The following SLC30A10 variants were observed in gnomAD, a reference collection of about 807,000 sequenced individuals.
The protein encoded by SLC30A10 is calcium/manganese antiporter SLC30A10.
In SLC30A10, 8 loss-of-function variants were observed where a neutral mutation model predicts 21.7. The observed-to-expected ratio is 0.37, with a 90% CI of 0.22 to 0.67. SLC30A10 has a LOEUF of 0.67. Among genes scored for constraint, SLC30A10 ranks in the 30% least tolerant of loss-of-function variants. The pLI is 0.58. For missense variants in SLC30A10, 521 were observed against 642.5 expected (o/e 0.81, Z 2.04); for synonymous variants, 272 against 279.4 (o/e 0.97, Z 0.26).
chr1:219,956,415 G>A (rs561503230), intron 1 of SLC30A10, among the ~76,000 whole-genome samples: 71 of 151,976 alleles, frequency 4.7e-4, no homozygotes, highest in African/African-American at 1.5e-3. Context: ...ATCTTAAAGC[G>A]TGAGTCACAC....
At chr1:219,939,947 G>A (rs944844293) in intron 1 of SLC30A10, among the ~76,000 whole-genome samples, 2 of 152,096 alleles carry the variant, frequency 1.3e-5, no homozygotes, top group African/African-American at 2.4e-5. Flanking sequence ...ATAGCCAAGG[G>A]GCAAACCGGG....
intron 1 of SLC30A10, among the ~76,000 whole-genome samples, chr1:219,946,498 C>T (rs1660187664): frequency 6.6e-6 from 1 of 152,130 alleles, no homozygotes; most frequent in African/African-American, 2.4e-5. Context: ...GACTGCCATT[C>T]CTCTTGTCTT....
upstream of SLC30A10, among the ~76,000 whole-genome samples, chr1:219,930,707 T>C (rs541358764): frequency 1.3e-4 from 20 of 152,296 alleles, no homozygotes; most frequent in Admixed American, 3.3e-4. Context: ...AAATTGATCA[T>C]TGGAAGTATT....
chr1:219,957,910 A>T (rs1027150561), intron 1 of SLC30A10, among the ~76,000 whole-genome samples: 4 of 152,178 alleles, frequency 2.6e-5, no homozygotes, highest in African/African-American at 9.7e-5. Flanking sequence ...CTCACACTTA[A>T]GTCTCTCCTA....
Position 219,911,663 on chromosome 1 carries a change from C to G in SLC30A10, c.*3786G>C, listed in dbSNP as rs1361105977. Among the ~76,000 whole-genome samples the G allele has an allele frequency of 1.3e-5, 2 of 152,092 alleles. No individual in the cohort carries two copies. Among genetic ancestry groups the G allele is most frequent in the African/African-American group, 4.8e-5 (2 of 41,406 alleles). The stretch of plus-strand genomic sequence containing the variant: ...CAAAGTTCTTATGTGGAAACAACTG[C>G]AATTTTTATGAATAGGCTGGTCTTG... On this transcript the variant is annotated 3_prime_UTR_variant, in exon 4 of 4. Transcript: ENST00000366926.
intron 1 of SLC30A10, among the ~76,000 whole-genome samples, chr1:219,957,936 A>G (rs1158169174): frequency 6.6e-6 from 1 of 152,192 alleles, no homozygotes; most frequent in Admixed American, 6.5e-5. Context: ...TCACATGTAA[A>G]TTGTCCTGTT....
rs1274120057 is a variant in SLC30A10, at chr1:219,922,217, T to G, written c.719-3723A>C. The stretch of plus-strand genomic sequence containing the variant: ...TTTTTTTTTTTTTTTTTTTTTTTTT[T>G]TTTTTTTTTTTTTTGCAGAGACAGG... On this transcript the variant is annotated intron_variant, in intron 2 of 3. Transcript: ENST00000366926. 1.5e-4 allele frequency among the ~76,000 whole-genome samples: 9 copies of G among 61,614 alleles called. 2 individuals carry two copies. Among genetic ancestry groups the G allele is most frequent in the Non-Finnish European group, 1.5e-4 (5 of 33,574 alleles). 40.4% of individuals were successfully genotyped at this position (61,614 alleles called of 152,430 possible).
At chr1:219,924,876 T>C (rs183848493) in intron 2 of SLC30A10, among the ~76,000 whole-genome samples, 1 of 152,314 alleles carries the variant, frequency 6.6e-6, no homozygotes, top group African/African-American at 2.4e-5. Context: ...GATGAGGGGA[T>C]TGGAGGCTTA....
At chr1:219,922,176 G>GTT (rs869249213) in intron 2 of SLC30A10, among the ~76,000 whole-genome samples, 4 of 36,450 alleles carry the variant, frequency 1.1e-4, no homozygotes, top group Non-Finnish European at 2.0e-4. Flanking sequence ...GTGTGTGTGT[G>GTT]TTTTTTTTTT....
chr1:219,942,704 A>G lies in SLC30A10; in HGVS notation n.81-15599T>C, dbSNP rs1179344246. ...AAAATGTACCAACAATCTATTCTTC[A>G]AAGAATTCCCTCAGAGAAAGCTTTG... On this transcript the variant is annotated intron_variant and non_coding_transcript_variant, in intron 1 of 8. Coordinates refer to the SLC30A10 transcript ENST00000484239. Among the ~76,000 whole-genome samples, 3 of 152,376 alleles carry G rather than the reference A, an allele frequency of 2.0e-5. No homozygotes were observed. The East Asian group carries it at 5.8e-4, about 29-fold the overall frequency.
chr1:219,934,181 G>A (rs1571807133), intron 1 of SLC30A10, among the ~76,000 whole-genome samples: 1 of 152,040 alleles, frequency 6.6e-6, no homozygotes, highest in Admixed American at 6.6e-5. Flanking sequence ...CCAGCTACTC[G>A]GGAGGCTGAG....
At chr1:219,956,462 T>C (rs1176050849) in intron 1 of SLC30A10, among the ~76,000 whole-genome samples, 1 of 151,532 alleles carries the variant, frequency 6.6e-6, no homozygotes, top group Non-Finnish European at 1.5e-5. Flanking sequence ...ACTAGAACAC[T>C]ATATAGCATC....
chr1:219,954,066 C>T (rs753268550), intron 1 of SLC30A10, among the ~76,000 whole-genome samples: 1 of 151,880 alleles, frequency 6.6e-6, no homozygotes, highest in Non-Finnish European at 1.5e-5. Context: ...TTCCCCTTTG[C>T]CTCTCCTAAA....
chr1:219,938,404 T>C (rs952622803), intron 1 of SLC30A10, among the ~76,000 whole-genome samples: 1 of 152,174 alleles, frequency 6.6e-6, no homozygotes, highest in Non-Finnish European at 1.5e-5. Flanking sequence ...CAGGATCACT[T>C]CTCTGTCCAG....
intron 1 of SLC30A10, among the ~76,000 whole-genome samples, chr1:219,944,697 T>A (rs1381498330): frequency 1.3e-5 from 2 of 152,148 alleles, no homozygotes; most frequent in Admixed American, 1.3e-4. Context: ...GTATGTGCAA[T>A]CTAATACCTA....
At chr1:219,958,171 CTTT>C (rs58017566) in intron 1 of SLC30A10, among the ~76,000 whole-genome samples, 7,027 of 152,162 alleles carry the variant, frequency 0.046, 503 homozygotes, top group African/African-American at 0.16. Context: ...GAGACATTAA[CTTT>C]TTTTTAAATT....
chr1:219,927,723 C>G (rs531610923), intron 1 of SLC30A10, 78 bp downstream of exon 1: 2 of 1,242,274 alleles, frequency 1.6e-6, no homozygotes, highest in Non-Finnish European at 2.1e-6. Context: ...AAAAAGAGGG[C>G]GTGGGGTGAG....
At chr1:219,920,177 T>C (rs1659644469) in intron 2 of SLC30A10, among the ~76,000 whole-genome samples, 1 of 152,128 alleles carries the variant, frequency 6.6e-6, no homozygotes, top group Non-Finnish European at 1.5e-5. Flanking sequence ...CTTGATTCAA[T>C]ATATACATTA....
At position 219,912,691 on chromosome 1, in the gene SLC30A10, G is replaced by T. The variant is rs141319383; in HGVS notation, c.*2758C>A. ...CTACTAAAAATACAAAAAATTAGCC[G>T]GGCATGGTGGCGAGCACCTGTAATC... is the stretch of plus-strand genomic sequence containing the variant. On this transcript the variant is annotated 3_prime_UTR_variant, in exon 4 of 4. Transcript: ENST00000366926. Among the ~76,000 whole-genome samples the T allele has an allele frequency of 1.3e-5, 2 of 151,118 alleles. No homozygotes were observed. Among genetic ancestry groups the T allele is most frequent in the South Asian group, 2.1e-4 (1 of 4,748 alleles).
Sources: allele counts gnomAD v4.1 joint callset (sites outside exome capture counted in the v4.1 genomes callset), GRCh38; gene constraint gnomAD v4.1.1; transcripts MANE v1.5; gene names NCBI Gene and HGNC (gene_info 2026-07-23, HGNC 2026-07-21).